The following ANK2 variants were observed in gnomAD, a reference collection of about 807,000 sequenced individuals.
The protein encoded by ANK2 is ankyrin 2.
Under a neutral mutation model 360.5 loss-of-function variants are expected in ANK2, and 83 were observed. The observed-to-expected ratio is 0.23, with a 90% CI of 0.19 to 0.28. The LOEUF (loss-of-function observed/expected upper bound fraction) is 0.28, where lower values mean the gene tolerates loss of function less well. Ranked by LOEUF, ANK2 falls within the 10% of genes least tolerant of loss-of-function variation. The probability of loss-of-function intolerance (pLI) is 1.00; values close to 1 mark genes in which losing one functional copy is unlikely to be tolerated. For missense variants in ANK2, 4,201 were observed against 4,795.7 expected (o/e 0.88, Z 3.66); for synonymous variants, 1,740 against 1,759.5 (o/e 0.99, Z 0.28).
At chr4:113,278,939 T>C (rs2061246164) in intron 17 of ANK2, among the ~76,000 whole-genome samples, 1 of 152,214 alleles carries the variant, frequency 6.6e-6, no homozygotes, top group Admixed American at 6.5e-5. Flanking sequence ...ACTCTCATTC[T>C]TTCCGACTTC....
intron 32 of ANK2, among the ~76,000 whole-genome samples, chr4:113,339,974 A>G (rs1290505597): frequency 6.6e-6 from 1 of 152,226 alleles, no homozygotes; most frequent in East Asian, 1.9e-4. Flanking sequence ...GAGAGTAATT[A>G]AAACGTACAT....
At chr4:112,911,865 A>T (rs1374827499) in intron 2 of ANK2, among the ~76,000 whole-genome samples, 1 of 152,204 alleles carries the variant, frequency 6.6e-6, no homozygotes, top group Non-Finnish European at 1.5e-5. Context: ...GTTAATAATT[A>T]TGTCTTCTTT....
chr4:112,769,913 G>T, the ANK2 span, among the ~76,000 whole-genome samples: 3 of 152,174 alleles, frequency 2.0e-5, no homozygotes, highest in Non-Finnish European at 4.4e-5. Context: ...TGGTTCTCAG[G>T]CCTTTGGGCT....
chr4:112,967,460 G>A (rs2037737536), intron 2 of ANK2, among the ~76,000 whole-genome samples: 1 of 152,130 alleles, frequency 6.6e-6, no homozygotes, highest in Non-Finnish European at 1.5e-5. Flanking sequence ...AGCTTCAGAA[G>A]TATTTTTCCA....
At chr4:113,155,017 A>G (rs1182403271) in intron 1 of ANK2, among the ~76,000 whole-genome samples, 1 of 152,228 alleles carries the variant, frequency 6.6e-6, no homozygotes, top group Non-Finnish European at 1.5e-5. Context: ...AACAAGAAGG[A>G]AATAAAAAGT....
chr4:112,890,173 G>A (rs141057259), intron 1 of ANK2, among the ~76,000 whole-genome samples: 36 of 152,254 alleles, frequency 2.4e-4, no homozygotes, highest in African/African-American at 8.7e-4. Context: ...ACTGTGAGGA[G>A]GTACGAACAT....
intron 10 of ANK2, among the ~76,000 whole-genome samples, chr4:113,251,764 G>A (rs899684693): frequency 3.3e-5 from 5 of 151,800 alleles, no homozygotes; most frequent in Admixed American, 6.6e-5. Context: ...TTACAAGCAT[G>A]AGCCACCACG....
intron 1 of ANK2, among the ~76,000 whole-genome samples, chr4:113,066,293 A>C (rs2075589261): frequency 6.6e-6 from 1 of 152,168 alleles, no homozygotes; most frequent in Admixed American, 6.5e-5. Context: ...TAAGTGTTTG[A>C]AGTTCAATTA....
At chr4:112,812,661 C>A in the ANK2 span, among the ~76,000 whole-genome samples, 1 of 152,164 alleles carries the variant, frequency 6.6e-6, no homozygotes, top group African/African-American at 2.4e-5. Context: ...TCCCAGACTA[C>A]AGATTTGTGA....
At chr4:113,049,523 G>A (rs1249866061), upstream of ANK2, 18 of 992,408 alleles carry the variant, frequency 1.8e-5, no homozygotes, top group Non-Finnish European at 2.5e-5. Context: ...ATGGTAATTG[G>A]TTGAATCAGA....
chr4:113,058,998 T>C (rs2071659936), intron 1 of ANK2, among the ~76,000 whole-genome samples: 1 of 152,136 alleles, frequency 6.6e-6, no homozygotes, highest in African/African-American at 2.4e-5. Flanking sequence ...CATTTCCTGG[T>C]TCACAGATGA....
At chr4:112,950,939 G>C (rs1373345741) in intron 2 of ANK2, among the ~76,000 whole-genome samples, 5 of 150,804 alleles carry the variant, frequency 3.3e-5, no homozygotes, top group Non-Finnish European at 7.4e-5. Context: ...AAAATTAGCC[G>C]GGCGTAGTGG....
At position 112,907,792 on chromosome 4, in the gene ANK2, T is replaced by C. The variant is rs564239117; in HGVS notation, c.21+3278T>C. Among the ~76,000 whole-genome samples, 5 of 152,336 alleles carry C rather than the reference T, an allele frequency of 3.3e-5. No homozygotes were observed. The East Asian group carries it at 9.6e-4, about 29-fold the overall frequency. On this transcript the variant is annotated intron_variant, in intron 2 of 30. Coordinates refer to the ANK2 transcript ENST00000503271. ...ATCAAGGAAGCTCAGCAAAAATCAC[T>C]GCTAAATATATTACAAATCTGGGAT...
intron 10 of ANK2, among the ~76,000 whole-genome samples, chr4:113,255,000 C>T (rs1207436902): frequency 6.6e-6 from 1 of 151,992 alleles, no homozygotes; most frequent in Non-Finnish European, 1.5e-5. Flanking sequence ...AGAGTCTTAC[C>T]GAGTCTGATG....
chr4:113,345,299 G>C (rs2094718338), intron 34 of ANK2, among the ~76,000 whole-genome samples: 1 of 152,084 alleles, frequency 6.6e-6, no homozygotes, highest in Non-Finnish European at 1.5e-5. Flanking sequence ...GAGGGCAATG[G>C]GGAGCTATTG....
At chr4:112,894,406 G>A (rs2081125966) in intron 1 of ANK2, among the ~76,000 whole-genome samples, 1 of 152,104 alleles carries the variant, frequency 6.6e-6, no homozygotes, top group African/African-American at 2.4e-5. Flanking sequence ...ATACGGATAT[G>A]TAGTATACAT....
intron 14 of ANK2, among the ~76,000 whole-genome samples, chr4:113,268,130 T>A (rs1173746976): frequency 1.6e-4 from 25 of 152,224 alleles, no homozygotes; most frequent in Admixed American, 1.6e-3. Context: ...AAGTTGCTTA[T>A]CAGCTTTAGG....
chr4:113,248,908 C>T (rs942309940), intron 9 of ANK2, among the ~76,000 whole-genome samples: 2 of 152,182 alleles, frequency 1.3e-5, no homozygotes, highest in Non-Finnish European at 2.9e-5. Flanking sequence ...TTCTCTCTCA[C>T]TTCTTGCTCA....
At chr4:113,351,491 C>T (rs2095411377) in intron 37 of ANK2, among the ~76,000 whole-genome samples, 1 of 152,044 alleles carries the variant, frequency 6.6e-6, no homozygotes, top group African/African-American at 2.4e-5. Flanking sequence ...TGTGTAAATT[C>T]ACATACTGTA....
Sources: allele counts gnomAD v4.1 joint callset (sites outside exome capture counted in the v4.1 genomes callset), GRCh38; gene constraint gnomAD v4.1.1; transcripts MANE v1.5; gene names NCBI Gene and HGNC (gene_info 2026-07-23, HGNC 2026-07-21).